RBFOX3: variants seen among roughly 807,000 people sequenced by gnomAD.
The protein encoded by RBFOX3 is RNA binding fox-1 homolog 3.
RBFOX3 carries 17 observed loss-of-function variants against 48.7 expected under a neutral mutation model. The observed-to-expected ratio is 0.35, with a 90% CI of 0.24 to 0.52. RBFOX3 has a LOEUF of 0.52. Among genes scored for constraint, RBFOX3 ranks in the 20% least tolerant of loss-of-function variants. RBFOX3 has a pLI of 0.94. For synonymous variants in RBFOX3, 212 were observed against 209.5 expected (o/e 1.01, Z -0.10); for missense variants, 382 against 497.5 (o/e 0.77, Z 2.21).
At chr17:79,508,052 G>A (rs2083433602) in intron 1 of RBFOX3, among the ~76,000 whole-genome samples, 1 of 152,252 alleles carries the variant, frequency 6.6e-6, no homozygotes, top group Admixed American at 6.5e-5. Context: ...CGTGGATTTA[G>A]GAGCCTCAAT....
intron 1 of RBFOX3, among the ~76,000 whole-genome samples, chr17:79,574,125 A>G (rs1406297598): frequency 6.6e-6 from 1 of 152,224 alleles, no homozygotes; most frequent in Admixed American, 6.5e-5. Context: ...GAGAAGTTAC[A>G]GAAGGTGGAT....
At chr17:79,260,930 C>T (rs148261150) in intron 3 of RBFOX3, among the ~76,000 whole-genome samples, 1 of 152,280 alleles carries the variant, frequency 6.6e-6, no homozygotes, top group Non-Finnish European at 1.5e-5. Flanking sequence ...CCTGCCGGCA[C>T]ACTCCACCCA....
chr17:79,182,250 C>T (rs906396149), intron 4 of RBFOX3, among the ~76,000 whole-genome samples: 17 of 152,220 alleles, frequency 1.1e-4, no homozygotes, highest in African/African-American at 4.1e-4. Flanking sequence ...CAGGCTCCTC[C>T]AGCAGCCGCC....
chr17:79,274,270 C>T (rs1015350050), intron 3 of RBFOX3, among the ~76,000 whole-genome samples: 5 of 152,178 alleles, frequency 3.3e-5, no homozygotes, highest in African/African-American at 1.2e-4. Flanking sequence ...GAGTTTCCTG[C>T]CCCTGTAACC....
chr17:79,476,816 G>A (rs1313012524), intron 2 of RBFOX3, among the ~76,000 whole-genome samples: 1 of 151,788 alleles, frequency 6.6e-6, no homozygotes, highest in South Asian at 2.1e-4. Flanking sequence ...TGGGGTGGCG[G>A]GGACAGAGAG....
At chr17:79,621,576 G>A in the RBFOX3 span, among the ~76,000 whole-genome samples, 3 of 152,338 alleles carry the variant, frequency 2.0e-5, no homozygotes, top group African/African-American at 7.2e-5. Flanking sequence ...GGCAAATTCT[G>A]ACCTGTACAA....
At position 79,597,165 on chromosome 17, in the gene RBFOX3, G is replaced by C. The variant is rs902092423; in HGVS notation, c.-320+13661C>G. 3.3e-3 allele frequency among the ~76,000 whole-genome samples: 497 copies of C among 152,294 alleles called. 4 individuals are homozygous for C. Among genetic ancestry groups the C allele is most frequent in the African/African-American group, 0.012 (482 of 41,556 alleles). Reference sequence around the variant, plus strand: ...GCACCTGCCCTCACACTGTGAGCTCGTGAGTTTGCCAAAAAGGAGATGCAG... The same window carrying C: ...GCACCTGCCCTCACACTGTGAGCTCCTGAGTTTGCCAAAAAGGAGATGCAG... On this transcript the variant is annotated intron_variant, in intron 1 of 14. Coordinates refer to ENST00000693108, the MANE Select transcript of RBFOX3 (RefSeq NM_001350451.2).
chr17:79,419,610 C>T (rs1330900679), intron 2 of RBFOX3, among the ~76,000 whole-genome samples: 9 of 152,366 alleles, frequency 5.9e-5, no homozygotes, highest in African/African-American at 2.2e-4. Context: ...CCCTTCATCT[C>T]CAGACCTCAG....
chr17:79,101,433 C>CG, intron 9 of RBFOX3, 151 bp downstream of exon 9: 1 of 706,114 alleles, frequency 1.4e-6, no homozygotes, highest in Non-Finnish European at 2.5e-6. Flanking sequence ...CGCTTCTGAC[C>CG]GGGAGCAGAG....
At chr17:79,239,257 T>C (rs568351363) in intron 3 of RBFOX3, among the ~76,000 whole-genome samples, 17 of 152,098 alleles carry the variant, frequency 1.1e-4, no homozygotes, top group Non-Finnish European at 1.9e-4. Context: ...GCCCCCCAGG[T>C]TCATTCCCAT....
At chr17:79,597,507 T>TG (rs1453095720) in intron 1 of RBFOX3, among the ~76,000 whole-genome samples, 4 of 152,140 alleles carry the variant, frequency 2.6e-5, no homozygotes, top group East Asian at 1.9e-4. Flanking sequence ...GCACCAGCGC[T>TG]GGGGGGCACT....
At chr17:79,134,223 T>C (rs1271049122) in intron 4 of RBFOX3, among the ~76,000 whole-genome samples, 1 of 152,224 alleles carries the variant, frequency 6.6e-6, no homozygotes, top group Non-Finnish European at 1.5e-5. Flanking sequence ...AAATGAACAT[T>C]TGCAAAATGT....
Position 79,160,297 on chromosome 17 carries a change from T to G in RBFOX3, c.-33-44549A>C, listed in dbSNP as rs1457457735. Among the ~76,000 whole-genome samples the G allele has an allele frequency of 2.0e-5, 3 of 152,176 alleles. No homozygotes were observed. The East Asian group carries it at 5.8e-4, about 29-fold the overall frequency. ...TTTCTCTGCACCCAAGGGGTGGACC[T>G]GGGGGCCATGCAGGCACTAAGGCAA... On this transcript the variant is annotated intron_variant, in intron 4 of 14. Transcript: ENST00000693108.
chr17:79,630,881 GGTTTGCTCA>G, the RBFOX3 span, among the ~76,000 whole-genome samples: 1 of 152,150 alleles, frequency 6.6e-6, no homozygotes. Flanking sequence ...AGACCTGCAA[GGTTTGCTCA>G]GCACCCAGTA....
At chr17:79,621,396 A>C in the RBFOX3 span, among the ~76,000 whole-genome samples, 60 of 152,288 alleles carry the variant, frequency 3.9e-4, no homozygotes, top group East Asian at 0.012. Context: ...GCCCTGAGCA[A>C]CCCTGCAAAG....
At chr17:79,582,030 G>A (rs907705579) in intron 1 of RBFOX3, among the ~76,000 whole-genome samples, 153 of 143,360 alleles carry the variant, frequency 1.1e-3, no homozygotes, top group Non-Finnish European at 1.7e-3. Context: ...GTGCCTGTGC[G>A]TGCCTGTGTA....
At chr17:79,558,185 C>G (rs897213626) in intron 1 of RBFOX3, among the ~76,000 whole-genome samples, 8 of 151,822 alleles carry the variant, frequency 5.3e-5, no homozygotes, top group African/African-American at 1.9e-4. Flanking sequence ...GAAAGACATA[C>G]CCTCAGAGGA....
intron 5 of RBFOX3, among the ~76,000 whole-genome samples, chr17:79,109,450 G>A (rs1261255227): frequency 1.3e-5 from 2 of 152,238 alleles, no homozygotes; most frequent in Admixed American, 6.5e-5. Context: ...CTGGGGAACT[G>A]GAGATGCCCA....
chr17:79,243,630 G>A lies in RBFOX3; in HGVS notation c.-73-7825C>T, dbSNP rs752357968. 1.1e-4 allele frequency among the ~76,000 whole-genome samples: 16 copies of A among 152,126 alleles called. No individual in the cohort carries two copies. Among genetic ancestry groups the A allele is most frequent in the South Asian group, 2.1e-4 (1 of 4,820 alleles). On this transcript the variant is annotated intron_variant, in intron 3 of 14. Coordinates refer to ENST00000693108, the MANE Select transcript of RBFOX3 (RefSeq NM_001350451.2). The surrounding 1 kb of genome is among the most constrained non-coding windows in gnomAD (Gnocchi z 7.9). ...GGGAAGGTGCTGGCTTTGCATGAGC[G>A]GAACTTAGCGCACACCTGTGGACTG... is the stretch of plus-strand genomic sequence containing the variant.
Sources: allele counts gnomAD v4.1 joint callset (sites outside exome capture counted in the v4.1 genomes callset), GRCh38; gene constraint gnomAD v4.1.1; non-coding constraint Gnocchi (gnomAD v3.1); transcripts MANE v1.5; gene names NCBI Gene and HGNC (gene_info 2026-07-23, HGNC 2026-07-21).